CDIN1: variants seen among roughly 807,000 people sequenced by gnomAD.
The protein encoded by CDIN1 is CDAN1 interacting nuclease 1.
CDIN1 carries 33 observed loss-of-function variants against 45.3 expected under a neutral mutation model. The observed-to-expected ratio is 0.73, with a 90% CI of 0.55 to 0.97. The LOEUF (loss-of-function observed/expected upper bound fraction) is 0.97. Among genes scored for constraint, CDIN1 ranks in the 50% least tolerant of loss-of-function variants. CDIN1 has a pLI of 0.00. For synonymous variants in CDIN1, 118 were observed against 124.4 expected (o/e 0.95, Z 0.34); for missense variants, 303 against 339.4 (o/e 0.89, Z 0.84).
rs145406954 is a variant in CDIN1 at position 36,809,283 on chromosome 15, T to C, written c.*830T>C. ...TTTTAAACATGGCTAGTTGTCAGTATGTACGTGAGCTAGTATTTTTATGAG... is the reference window on the plus strand; with the variant it reads ...TTTTAAACATGGCTAGTTGTCAGTACGTACGTGAGCTAGTATTTTTATGAG... On this transcript the variant is annotated 3_prime_UTR_variant, in exon 11 of 11. Coordinates refer to ENST00000566621, the MANE Select transcript of CDIN1 (RefSeq NM_001321759.2). The C allele has an allele frequency of 8.6e-6, 2 of 231,488 alleles. No individual in the cohort carries two copies. The highest frequency in any genetic ancestry group is 1.0e-4 in the Admixed American group (2 of 19,286). The allele number at this position is 231,488 out of a possible 1,614,324, so 14.3% of individuals were successfully genotyped here. A position where few individuals can be genotyped will look rare whatever the true frequency, so the allele number is the denominator to read the frequency against.
chr15:36,636,530 C>T lies in CDIN1; in HGVS notation c.102-7748C>T, dbSNP rs902500268. Among the ~76,000 whole-genome samples the T allele has an allele frequency of 5.2e-4, 79 of 151,780 alleles. 1 individual carries two copies. Among genetic ancestry groups the T allele is most frequent in the African/African-American group, 1.7e-3 (72 of 41,416 alleles). ...TGGTGCCACTGTGCTCCAGCCTGAG[C>T]GACAGAGCAAGACTCCATCTCAAAA... On this transcript the variant is annotated intron_variant, in intron 1 of 10. Transcript: ENST00000566621.
chr15:36,783,854 G>C (rs1241959104), intron 10 of CDIN1, among the ~76,000 whole-genome samples: 3 of 152,116 alleles, frequency 2.0e-5, no homozygotes, highest in South Asian at 2.1e-4. Flanking sequence ...ATATTGGCCA[G>C]TATTTTAATA....
intron 1 of CDIN1, among the ~76,000 whole-genome samples, chr15:36,599,332 G>C (rs1346499933): frequency 6.6e-6 from 1 of 152,138 alleles, no homozygotes; most frequent in African/African-American, 2.4e-5. Context: ...GGAGCCATTT[G>C]TTATATTTTA....
intron 4 of CDIN1, among the ~76,000 whole-genome samples, chr15:36,654,460 G>A (rs1316618899): frequency 6.8e-6 from 1 of 147,378 alleles, no homozygotes; most frequent in Non-Finnish European, 1.5e-5. Flanking sequence ...TCTTAGGATA[G>A]GTTGTCTTAA....
At chr15:36,696,686 G>A (rs575702057) in intron 7 of CDIN1, among the ~76,000 whole-genome samples, 176 of 152,256 alleles carry the variant, frequency 1.2e-3, no homozygotes, top group Non-Finnish European at 2.2e-3. Flanking sequence ...GGTTATAGGC[G>A]CAAGCCACCT....
At chr15:36,736,878 T>C (rs2044041633) in intron 10 of CDIN1, among the ~76,000 whole-genome samples, 1 of 152,084 alleles carries the variant, frequency 6.6e-6, no homozygotes, top group Non-Finnish European at 1.5e-5. Context: ...TAAAAATGCT[T>C]CACACTGGCC....
intron 10 of CDIN1, among the ~76,000 whole-genome samples, chr15:36,719,110 TA>T: frequency 6.6e-6 from 1 of 152,024 alleles, no homozygotes; most frequent in East Asian, 1.9e-4. Flanking sequence ...TAGTCCTAGC[TA>T]CTCAGAAATC....
intron 10 of CDIN1, among the ~76,000 whole-genome samples, chr15:36,756,773 A>G (rs1202248524): frequency 6.6e-6 from 1 of 152,130 alleles, no homozygotes; most frequent in African/African-American, 2.4e-5. Flanking sequence ...ATATGTAACC[A>G]CACTCCCTTT....
chr15:36,742,284 G>C (rs2044265695), intron 10 of CDIN1, among the ~76,000 whole-genome samples: 1 of 152,130 alleles, frequency 6.6e-6, no homozygotes, highest in African/African-American at 2.4e-5. Flanking sequence ...GAGTATAAAT[G>C]GAATAATATG....
In CDIN1 at chr15:36,808,590, C is replaced by T; in HGVS notation, c.*137C>T. Reference sequence around the variant, plus strand: ...TTGCTGCCCGTAGTCACACCACTACCTCTTTAGACAAACATATCAAGAGTT... The same window carrying T: ...TTGCTGCCCGTAGTCACACCACTACTTCTTTAGACAAACATATCAAGAGTT... On this transcript the variant is annotated 3_prime_UTR_variant, in exon 11 of 11. Transcript: ENST00000566621. The T allele has an allele frequency of 8.7e-7, 1 of 1,144,706 alleles. No homozygotes were observed. The highest frequency in any genetic ancestry group is 2.4e-5 in the Admixed American group (1 of 40,854). 70.9% of individuals were successfully genotyped at this position (1,144,706 alleles called of 1,614,324 possible).
chr15:36,731,706 C>G (rs1366485011), intron 10 of CDIN1, among the ~76,000 whole-genome samples: 2 of 152,122 alleles, frequency 1.3e-5, no homozygotes, highest in African/African-American at 2.4e-5. Flanking sequence ...CCTAATAACT[C>G]AACTTAATAT....
At chr15:36,633,915 G>T (rs2039788261) in intron 1 of CDIN1, among the ~76,000 whole-genome samples, 1 of 151,892 alleles carries the variant, frequency 6.6e-6, no homozygotes, top group African/African-American at 2.4e-5. Flanking sequence ...GCGCCATGAT[G>T]CCCAGATTAT....
chr15:36,748,606 TA>T (rs1243619340), intron 10 of CDIN1, among the ~76,000 whole-genome samples: 1 of 152,150 alleles, frequency 6.6e-6, no homozygotes, highest in Non-Finnish European at 1.5e-5. Context: ...AGGTCTCAGA[TA>T]CTTGAGAAGT....
intron 5 of CDIN1, among the ~76,000 whole-genome samples, chr15:36,685,534 G>T (rs1002661032): frequency 2.0e-5 from 3 of 152,042 alleles, no homozygotes; most frequent in Non-Finnish European, 4.4e-5. Context: ...AAAAGCAATG[G>T]CAACAAAACA....
chr15:36,642,328 C>T (rs2040142195), intron 1 of CDIN1, among the ~76,000 whole-genome samples: 1 of 152,212 alleles, frequency 6.6e-6, no homozygotes, highest in African/African-American at 2.4e-5. Context: ...TTATTCTCTA[C>T]AGCTTTGAAT....
intron 10 of CDIN1, among the ~76,000 whole-genome samples, chr15:36,794,514 TTAGA>T (rs2054739185): frequency 6.6e-6 from 1 of 151,982 alleles, no homozygotes; most frequent in Non-Finnish European, 1.5e-5. Context: ...TTTGACCCCT[TTAGA>T]TACTTTATTT....
chr15:36,694,342 G>A (rs745440250), intron 7 of CDIN1, among the ~76,000 whole-genome samples: 4 of 152,138 alleles, frequency 2.6e-5, no homozygotes, highest in Admixed American at 2.6e-4. Context: ...TAAATGTGCT[G>A]TTTGTTTTTC....
chr15:36,691,371 A>ATT (rs370420605), intron 5 of CDIN1: 62 of 256,240 alleles, frequency 2.4e-4, no homozygotes, highest in South Asian at 4.3e-4. Context: ...ATATTTTCTG[A>ATT]TTTTTTTTTT....
chr15:36,723,964 A>C (rs756359058), intron 10 of CDIN1, among the ~76,000 whole-genome samples: 47 of 152,216 alleles, frequency 3.1e-4, no homozygotes, highest in Non-Finnish European at 6.0e-4. Context: ...ACTGAACACC[A>C]ATTATGTTCA....
Sources: gnomAD v4.1 joint callset for allele counts (sites outside exome capture counted in the v4.1 genomes callset) on GRCh38, gnomAD v4.1.1 for gene constraint, MANE v1.5 for transcripts, NCBI Gene and HGNC (gene_info 2026-07-23, HGNC 2026-07-21) for gene names.